ERGIC1: variants seen among roughly 807,000 people sequenced by gnomAD.
ERGIC1 encodes the protein endoplasmic reticulum-golgi intermediate compartment 1.
ERGIC1 carries 19 observed loss-of-function variants against 38.3 expected under a neutral mutation model. The ratio of observed to expected loss-of-function variants is 0.50; its 90% CI spans 0.35 to 0.73. ERGIC1 has a LOEUF of 0.73. ERGIC1 is among the 30% of genes least tolerant of loss of function. ERGIC1 has a pLI of 0.01. For synonymous variants in ERGIC1, 124 were observed against 157.6 expected (o/e 0.79, Z 1.60); for missense variants, 294 against 389.2 (o/e 0.76, Z 2.06).
rs146354940 is a variant in ERGIC1, at chr5:172,836,254, G to C, written c.20+1821G>C. Among the ~76,000 whole-genome samples, 1,150 of 152,258 alleles carry C rather than the reference G, an allele frequency of 7.6e-3. 11 individuals are homozygous for C. Among genetic ancestry groups the C allele is most frequent in the African/African-American group, 0.026 (1,064 of 41,548 alleles). On this transcript the variant is annotated intron_variant, in intron 1 of 9. Coordinates refer to ENST00000393784, the MANE Select transcript of ERGIC1 (RefSeq NM_001031711.3). ...CTTGAATTGGTGGCTTGTGGGGGCA[G>C]GTAAGGGAAGTAAGGAAAATGGGTA...
intron 1 of ERGIC1, among the ~76,000 whole-genome samples, chr5:172,859,350 G>A (rs76207855): frequency 0.02 from 3,042 of 152,120 alleles, 101 homozygotes; most frequent in African/African-American, 0.071. Context: ...TTTGAGCTCC[G>A]TGTGAATGGG....
At chr5:172,891,018 A>G (rs368563976) in intron 2 of ERGIC1, among the ~76,000 whole-genome samples, 80 of 152,342 alleles carry the variant, frequency 5.3e-4, no homozygotes, top group African/African-American at 1.9e-3. Context: ...CCCATTTAGC[A>G]GCAGTGTGAC....
chr5:172,867,352 A>C (rs1383085583), intron 1 of ERGIC1: 3 of 422,660 alleles, frequency 7.1e-6, no homozygotes, highest in South Asian at 5.0e-5. Context: ...ATAGGAGAGC[A>C]CAGGAGTCCT....
chr5:172,880,470 C>T (rs1477608994), intron 1 of ERGIC1, among the ~76,000 whole-genome samples: 5 of 152,022 alleles, frequency 3.3e-5, no homozygotes, highest in Admixed American at 1.3e-4. Context: ...GGACTACAGG[C>T]GACCACCACC....
At chr5:172,866,737 G>A (rs998885828) in intron 1 of ERGIC1, among the ~76,000 whole-genome samples, 2 of 152,210 alleles carry the variant, frequency 1.3e-5, no homozygotes, top group Non-Finnish European at 2.9e-5. Context: ...GCAGCTCCAG[G>A]CTCACCACCT....
At chr5:172,922,541 C>G (rs894597783) in intron 5 of ERGIC1, 1 of 152,374 alleles carries the variant, frequency 6.6e-6, no homozygotes, top group African/African-American at 2.4e-5. Flanking sequence ...CTGTTGGGCC[C>G]TGAGGGTCCG....
intron 9 of ERGIC1, among the ~76,000 whole-genome samples, chr5:172,941,036 T>C (rs1763999550): frequency 6.6e-6 from 1 of 152,206 alleles, no homozygotes; most frequent in Admixed American, 6.5e-5. Context: ...TCCAGCACTT[T>C]GGGAGGCCAA....
intron 5 of ERGIC1, among the ~76,000 whole-genome samples, chr5:172,918,623 A>G (rs1763433820): frequency 6.6e-6 from 1 of 152,230 alleles, no homozygotes; most frequent in Non-Finnish European, 1.5e-5. Context: ...ATGGACAGTG[A>G]TCTAAGTGCT....
rs79897222 is a variant in ERGIC1, at chr5:172,932,358, C to T, written c.542-78C>T. ...CCCTGCCGTGCCCAGGGAATTTAGG[C>T]TTAGGATTGAAATGACATAGAGCTG... On this transcript the variant is annotated intron_variant, in intron 7 of 9. Coordinates refer to ENST00000393784, the MANE Select transcript of ERGIC1 (RefSeq NM_001031711.3). 2.4e-3 allele frequency: 3,471 copies of T among 1,475,444 alleles called. 49 individuals are homozygous for T. In the East Asian group the frequency reaches 0.037, roughly 16 times the overall value. The allele number at this position is 1,475,444 out of a possible 1,614,324, so 91.4% of individuals were successfully genotyped here.
At chr5:172,929,151 A>ATGTG (rs10647641) in intron 7 of ERGIC1, among the ~76,000 whole-genome samples, 43,879 of 139,624 alleles carry the variant, frequency 0.31, 6,729 homozygotes, top group Non-Finnish European at 0.36. Context: ...TCATATATAT[A>ATGTG]TATGTGTGTG....
chr5:172,864,747 C>G (rs1358374157), intron 1 of ERGIC1, among the ~76,000 whole-genome samples: 2 of 151,970 alleles, frequency 1.3e-5, no homozygotes, highest in Non-Finnish European at 2.9e-5. Flanking sequence ...ACATGTCCCC[C>G]CCCCTTTTTT....
chr5:172,948,571 C>G (rs562024331), intron 9 of ERGIC1, among the ~76,000 whole-genome samples: 10 of 151,932 alleles, frequency 6.6e-5, no homozygotes, highest in Admixed American at 1.3e-4. Flanking sequence ...GTGCCACATG[C>G]ACTGTGTGAC....
At chr5:172,893,868 G>GATATATATATATATAT (rs1191189327) in intron 2 of ERGIC1, among the ~76,000 whole-genome samples, 1 of 28,250 alleles carries the variant, frequency 3.5e-5, no homozygotes, top group Non-Finnish European at 9.4e-5. Context: ...CACTTAGGGG[G>GATATATATATATATAT]ATATATATAT....
In ERGIC1 at chr5:172,895,714, C is replaced by T. The variant is rs143507998; in HGVS notation, c.83-1288C>T. The stretch of plus-strand genomic sequence containing the variant: ...TTCCCATCAAAAGGGACATGTGAGT[C>T]GGGCCTGGGAGGATGAGTAGGAGTT... On this transcript the variant is annotated intron_variant, in intron 2 of 9. Coordinates refer to ENST00000393784, the MANE Select transcript of ERGIC1 (RefSeq NM_001031711.3). 2.7e-3 allele frequency among the ~76,000 whole-genome samples: 417 copies of T among 152,048 alleles called. 1 individual carries two copies. The highest frequency in any genetic ancestry group is 9.1e-3 in the African/African-American group (377 of 41,450).
chr5:172,848,670 C>T (rs1164069671), intron 1 of ERGIC1, among the ~76,000 whole-genome samples: 2 of 152,154 alleles, frequency 1.3e-5, no homozygotes, highest in East Asian at 1.9e-4. Flanking sequence ...GCTGAGCCAG[C>T]ATCTGCACAC....
At chr5:172,881,106 G>A (rs1035347851) in intron 1 of ERGIC1, among the ~76,000 whole-genome samples, 2 of 152,132 alleles carry the variant, frequency 1.3e-5, no homozygotes, top group Non-Finnish European at 2.9e-5. Flanking sequence ...AATTAGCTGG[G>A]CATGGTGGCA....
intron 5 of ERGIC1, 170 bp downstream of exon 5, chr5:172,915,008 G>A: frequency 1.9e-6 from 2 of 1,062,182 alleles, no homozygotes; most frequent in Non-Finnish European, 2.9e-6. Context: ...ATCTGGATGG[G>A]GGTCCAGGCT....
chr5:172,915,324 G>A, intron 5 of ERGIC1: 1 of 494,892 alleles, frequency 2.0e-6, no homozygotes, highest in Non-Finnish European at 3.8e-6. Context: ...GTCGGTGATA[G>A]GCTCTGGGGC....
chr5:172,900,358 T>C (rs562094), intron 3 of ERGIC1, among the ~76,000 whole-genome samples: 112,122 of 151,888 alleles, frequency 0.74, 41,660 homozygotes, highest in African/African-American at 0.83. Context: ...CCCAGCGGCA[T>C]CCCGGACGCT....
Sources: allele counts gnomAD v4.1 joint callset (sites outside exome capture counted in the v4.1 genomes callset), GRCh38; gene constraint gnomAD v4.1.1; transcripts MANE v1.5; gene names NCBI Gene and HGNC (gene_info 2026-07-23, HGNC 2026-07-21).